The following CTNNA1 variants were observed in gnomAD, a reference collection of about 807,000 sequenced individuals.
CTNNA1 encodes catenin alpha-1.
Under a neutral mutation model 98.4 loss-of-function variants are expected in CTNNA1, and 37 were observed. That is an observed-to-expected ratio of 0.38 (90% CI 0.29 to 0.49). The LOEUF (loss-of-function observed/expected upper bound fraction) is 0.49. Ranked by LOEUF, CTNNA1 falls within the 20% of genes least tolerant of loss-of-function variation. The pLI is 0.95. For synonymous variants in CTNNA1, 404 were observed against 413.2 expected (o/e 0.98, Z 0.27); for missense variants, 761 against 1,147.2 (o/e 0.66, Z 4.86).
At position 138,925,134 on chromosome 5, in the gene CTNNA1, A is replaced by T. The variant is rs1763728489; in HGVS notation, c.1748-122A>T. The T allele has an allele frequency of 6.9e-6, 7 of 1,020,032 alleles. No homozygotes were observed. In the South Asian group the frequency reaches 1.2e-4, roughly 17 times the overall value. 63.2% of individuals were successfully genotyped at this position (1,020,032 alleles called of 1,614,324 possible). ...TTTCAACTGTAAATACCCTTCACAC[A>T]GGTAGAAGCAGAGGCTCATCATAAG... is the stretch of plus-strand genomic sequence containing the variant. On this transcript the variant is annotated intron_variant, in intron 12 of 17. Transcript: ENST00000302763.
chr5:138,891,661 A>G (rs967763233), intron 9 of CTNNA1, among the ~76,000 whole-genome samples: 1 of 152,166 alleles, frequency 6.6e-6, no homozygotes, highest in African/African-American at 2.4e-5. Context: ...TTGCGAGGCA[A>G]GGTAGGAGAA....
chr5:138,853,743 G>T (rs1763462437), intron 7 of CTNNA1, among the ~76,000 whole-genome samples: 1 of 152,208 alleles, frequency 6.6e-6, no homozygotes. Flanking sequence ...GAGTTTATGT[G>T]AGGCTGTTGC....
chr5:138,906,079 T>C (rs1445405598), intron 10 of CTNNA1, among the ~76,000 whole-genome samples: 1 of 152,142 alleles, frequency 6.6e-6, no homozygotes, highest in East Asian at 1.9e-4. Context: ...AAGTAAAGCC[T>C]CTCTCGGTGG....
intron 3 of CTNNA1, among the ~76,000 whole-genome samples, chr5:138,796,126 A>G (rs1428747590): frequency 6.6e-6 from 1 of 152,218 alleles, no homozygotes; most frequent in African/African-American, 2.4e-5. Flanking sequence ...ATTTTATACC[A>G]GCAAACTAAA....
intron 7 of CTNNA1, among the ~76,000 whole-genome samples, chr5:138,868,595 A>G (rs1488077227): frequency 6.6e-6 from 1 of 152,196 alleles, no homozygotes; most frequent in Admixed American, 6.5e-5. Context: ...AGAGAGGGGC[A>G]GCCAACTCCA....
rs1276738001 is a variant in CTNNA1, at chr5:138,781,971, A to C, written c.47A>C (p.Lys16Thr). The C allele has an allele frequency of 6.2e-7, 1 of 1,602,002 alleles. No homozygotes were observed. The highest frequency in any genetic ancestry group is 8.5e-7 in the Non-Finnish European group (1 of 1,177,478). Residue 16 changes from lysine (K) to threonine (T), a missense_variant, in exon 2 of 18, where the codon AAA becomes ACA. By Grantham distance (78) the Lys-to-Thr change is moderately conservative. Transcript: ENST00000302763. ...AGNINFKWDPKSLEIRTLAVE... is the reference protein window; with the variant it reads ...AGNINFKWDPTSLEIRTLAVE... ...AACATAAACTTCAAGTGGGATCCTAAAAGTCTAGAGATCAGGACTCTGGCA... is the reference window on the plus strand; with the variant it reads ...AACATAAACTTCAAGTGGGATCCTACAAGTCTAGAGATCAGGACTCTGGCA...
intron 7 of CTNNA1, among the ~76,000 whole-genome samples, chr5:138,882,434 G>T (rs376662463): frequency 1.3e-5 from 2 of 152,206 alleles, no homozygotes; most frequent in Non-Finnish European, 2.9e-5. Flanking sequence ...AGAATGTGTA[G>T]AAGAAGGAGA....
chr5:138,820,375 G>T (rs60827953), intron 5 of CTNNA1, among the ~76,000 whole-genome samples: 1,820 of 152,082 alleles, frequency 0.012, 37 homozygotes, highest in African/African-American at 0.037. Flanking sequence ...GGCTGTAGAG[G>T]GCAGGTCACA....
At chr5:138,921,062 C>T (rs1292715142) in intron 11 of CTNNA1, among the ~76,000 whole-genome samples, 1 of 152,130 alleles carries the variant, frequency 6.6e-6, no homozygotes, top group Non-Finnish European at 1.5e-5. Flanking sequence ...CTCCTCACCC[C>T]CAAGCTATTC....
At chr5:138,804,985 G>C (rs1757935792) in intron 3 of CTNNA1, among the ~76,000 whole-genome samples, 1 of 152,124 alleles carries the variant, frequency 6.6e-6, no homozygotes, top group African/African-American at 2.4e-5. Flanking sequence ...CTCCTTCTGG[G>C]GTGGCCTCAG....
chr5:138,849,757 G>T (rs1249347227), intron 7 of CTNNA1, among the ~76,000 whole-genome samples: 1 of 151,944 alleles, frequency 6.6e-6, no homozygotes. Context: ...TAGGGTTCTT[G>T]TTTTGAAAAA....
chr5:138,827,481 T>A, intron 6 of CTNNA1, 34 bp from the exon 7 acceptor site: 1 of 1,601,662 alleles, frequency 6.2e-7, no homozygotes. Flanking sequence ...GGAACAGAGA[T>A]GAGTACTAAC....
chr5:138,875,146 A>C (rs1044116437), intron 7 of CTNNA1: 1 of 450,592 alleles, frequency 2.2e-6, no homozygotes. Flanking sequence ...AGTTTTGAAT[A>C]TAAGTTATTA....
At chr5:138,856,698 C>T (rs1180109329) in intron 7 of CTNNA1, among the ~76,000 whole-genome samples, 1 of 152,072 alleles carries the variant, frequency 6.6e-6, no homozygotes, top group Admixed American at 6.6e-5. Context: ...TTGTTTAAAG[C>T]TTTTAAGAGT....
At chr5:138,793,666 T>C (rs548032735) in intron 3 of CTNNA1, among the ~76,000 whole-genome samples, 1 of 152,354 alleles carries the variant, frequency 6.6e-6, no homozygotes, top group East Asian at 1.9e-4. Context: ...TGATTTCTAC[T>C]AGTTAATTTC....
At chr5:138,890,152 G>A (rs1020141943) in intron 9 of CTNNA1, among the ~76,000 whole-genome samples, 4 of 152,174 alleles carry the variant, frequency 2.6e-5, no homozygotes, top group African/African-American at 9.7e-5. Flanking sequence ...AAGTGAGAGT[G>A]CTATATGAAA....
intron 5 of CTNNA1, among the ~76,000 whole-genome samples, chr5:138,822,172 G>C (rs1760113679): frequency 6.6e-6 from 1 of 152,192 alleles, no homozygotes; most frequent in African/African-American, 2.4e-5. Context: ...CAGAACATAT[G>C]CACCAGCTGT....
rs2150360790 is a variant in CTNNA1 at position 138,934,100 on chromosome 5, G to A, written c.*11G>A. The A allele has an allele frequency of 1.2e-6, 2 of 1,603,822 alleles. No homozygotes were observed. Among genetic ancestry groups the A allele is most frequent in the Non-Finnish European group, 1.7e-6 (2 of 1,175,296 alleles). On this transcript the variant is annotated 3_prime_UTR_variant, in exon 18 of 18. Coordinates refer to ENST00000302763, the MANE Select transcript of CTNNA1 (RefSeq NM_001903.5). ...ATGGACAGCATCTAAGTCTGCCCAGGCCGGCCGCCCCCACCCCTCGGGGCT... is the reference window on the plus strand; with the variant it reads ...ATGGACAGCATCTAAGTCTGCCCAGACCGGCCGCCCCCACCCCTCGGGGCT...
chr5:138,825,482 G>GTTTTGTTTTTTTTTTT (rs1760581190), intron 6 of CTNNA1, among the ~76,000 whole-genome samples: 1 of 74,114 alleles, frequency 1.3e-5, no homozygotes, highest in African/African-American at 5.8e-5. Flanking sequence ...AGCAGTATAA[G>GTTTTGTTTTTTTTTTT]TTTTTTTTTT....
Sources: allele counts gnomAD v4.1 joint callset (sites outside exome capture counted in the v4.1 genomes callset), GRCh38; gene constraint gnomAD v4.1.1; transcripts MANE v1.5; gene names NCBI Gene and HGNC (gene_info 2026-07-23, HGNC 2026-07-21).